Variants in ATP10D observed in about 807,000 individuals in gnomAD.
The protein encoded by ATP10D is phospholipid-transporting ATPase VD.
ATP10D carries 89 observed loss-of-function variants against 144.8 expected under a neutral mutation model. The observed-to-expected ratio is 0.61, with a 90% CI of 0.52 to 0.73. The LOEUF (loss-of-function observed/expected upper bound fraction) is 0.73, where lower values mean the gene tolerates loss of function less well. ATP10D is among the 30% of genes least tolerant of loss of function. The probability of loss-of-function intolerance (pLI) is 0.00; values close to 1 mark genes in which losing one functional copy is unlikely to be tolerated. For missense variants in ATP10D, 1,603 were observed against 1,714.8 expected (o/e 0.93, Z 1.15); for synonymous variants, 571 against 615.1 (o/e 0.93, Z 1.06).
At chr4:47,537,074 T>G in intron 9 of ATP10D, 136 bp downstream of exon 9, 1 of 1,027,748 alleles carries the variant, frequency 9.7e-7, no homozygotes, top group East Asian at 2.7e-5. Context: ...CCAGATGGCC[T>G]TTAAACTTCA....
chr4:47,549,931 T>C (rs1431285344), intron 10 of ATP10D, among the ~76,000 whole-genome samples: 1 of 150,024 alleles, frequency 6.7e-6, no homozygotes, highest in African/African-American at 2.5e-5. Flanking sequence ...ATTGTCAGCA[T>C]GTGGTTATTC....
chr4:47,540,777 T>C (rs1718096439), intron 9 of ATP10D, among the ~76,000 whole-genome samples: 1 of 152,232 alleles, frequency 6.6e-6, no homozygotes, highest in South Asian at 2.1e-4. Flanking sequence ...TGTCCCAGGA[T>C]CCTAGCTAGG....
At chr4:47,496,645 C>T (rs1457366353) in intron 1 of ATP10D, among the ~76,000 whole-genome samples, 3 of 152,098 alleles carry the variant, frequency 2.0e-5, no homozygotes, top group Non-Finnish European at 4.4e-5. Flanking sequence ...CTACATTCTA[C>T]ATTCAGAGTC....
chr4:47,561,178 A>G (rs958058772), intron 14 of ATP10D, 103 bp downstream of exon 14: 2 of 1,444,592 alleles, frequency 1.4e-6, no homozygotes, highest in African/African-American at 2.8e-5. Context: ...ATAAACATAT[A>G]TGGTTCTGCC....
intron 1 of ATP10D, among the ~76,000 whole-genome samples, chr4:47,511,295 C>G (rs970383756): frequency 1.3e-5 from 2 of 150,178 alleles, no homozygotes; most frequent in Non-Finnish European, 3.0e-5. Flanking sequence ...GTTTTTTTTT[C>G]TTGTTCCTAT....
At chr4:47,520,476 A>G (rs1716885805) in intron 3 of ATP10D, among the ~76,000 whole-genome samples, 1 of 151,866 alleles carries the variant, frequency 6.6e-6, no homozygotes, top group East Asian at 1.9e-4. Context: ...CTGTCCTTTG[A>G]CTTACCTTCC....
At chr4:47,584,741 T>C (rs1720698687) in intron 21 of ATP10D, among the ~76,000 whole-genome samples, 1 of 152,012 alleles carries the variant, frequency 6.6e-6, no homozygotes, top group Admixed American at 6.6e-5. Flanking sequence ...ATGGCTCAAA[T>C]AGAAGGAAAG....
intron 1 of ATP10D, among the ~76,000 whole-genome samples, chr4:47,506,714 T>C (rs1362803959): frequency 6.6e-6 from 1 of 152,220 alleles, no homozygotes; most frequent in Non-Finnish European, 1.5e-5. Context: ...TGATCATCAT[T>C]GAACTTCAAG....
Position 47,502,382 on chromosome 4 carries a change from A to G in ATP10D, c.-37-10122A>G, listed in dbSNP as rs1344229734. 4.6e-5 allele frequency among the ~76,000 whole-genome samples: 7 copies of G among 152,036 alleles called. 1 individual carries two copies. The highest frequency in any genetic ancestry group is 1.7e-4 in the African/African-American group (7 of 41,514). ...GCTACTCGGGGGCTGAGGCAGGAGAATGGCGTGAACCCAGGAGGCAGAGCT... is the reference window on the plus strand; with the variant it reads ...GCTACTCGGGGGCTGAGGCAGGAGAGTGGCGTGAACCCAGGAGGCAGAGCT... On this transcript the variant is annotated intron_variant, in intron 1 of 22. Transcript: ENST00000273859.
chr4:47,486,279 A>G (rs1002613218), intron 1 of ATP10D, among the ~76,000 whole-genome samples: 2 of 152,224 alleles, frequency 1.3e-5, no homozygotes, highest in Non-Finnish European at 2.9e-5. Context: ...GCCTTTAGAA[A>G]GAATATGTTT....
intron 10 of ATP10D, among the ~76,000 whole-genome samples, chr4:47,554,000 G>A (rs553447934): frequency 6.6e-6 from 1 of 152,194 alleles, no homozygotes; most frequent in East Asian, 1.9e-4. Context: ...ATATGTTACT[G>A]GATTATACTT....
At chr4:47,524,088 G>A (rs564351146) in intron 4 of ATP10D, among the ~76,000 whole-genome samples, 18 of 152,122 alleles carry the variant, frequency 1.2e-4, no homozygotes, top group African/African-American at 4.1e-4. Flanking sequence ...CACCATGCCC[G>A]GCTAATTTTT....
intron 19 of ATP10D, among the ~76,000 whole-genome samples, chr4:47,579,974 AAGCAAAGAGGGCAGTTAGATGGCTATCC>A (rs1223483980): frequency 9.2e-5 from 14 of 152,170 alleles, no homozygotes; most frequent in African/African-American, 3.1e-4. Context: ...ATAGGGGAGG[AAGCAAAGAGGGCAGTTAGATGGCTATCC>A]AGCCATTCAT....
At chr4:47,519,272 G>A (rs1716829196) in intron 3 of ATP10D, among the ~76,000 whole-genome samples, 1 of 152,000 alleles carries the variant, frequency 6.6e-6, no homozygotes, top group African/African-American at 2.4e-5. Context: ...ACTGTTAATC[G>A]TTCAGTGTGT....
chr4:47,510,518 A>G (rs1431485988), intron 1 of ATP10D, among the ~76,000 whole-genome samples: 1 of 152,198 alleles, frequency 6.6e-6, no homozygotes, highest in East Asian at 1.9e-4. Flanking sequence ...AATGTTTTGC[A>G]GTCGTTATGG....
chr4:47,577,252 G>T (rs1419849964), intron 19 of ATP10D, among the ~76,000 whole-genome samples: 1 of 152,104 alleles, frequency 6.6e-6, no homozygotes, highest in African/African-American at 2.4e-5. Flanking sequence ...GCCATCTATT[G>T]TGCTAACTAC....
At chr4:47,523,357 T>C (rs1414157935) in intron 4 of ATP10D, 141 bp downstream of exon 4, 1 of 701,414 alleles carries the variant, frequency 1.4e-6, no homozygotes, top group Non-Finnish European at 2.4e-6. Context: ...TTCATTCACT[T>C]CCAGATATGA....
chr4:47,546,704 A>C lies in ATP10D; in HGVS notation c.1477A>C (p.Met493Leu). 2 of 1,614,114 alleles carry C rather than the reference A, an allele frequency of 1.2e-6. No individual in the cohort carries two copies. The highest frequency in any genetic ancestry group is 8.5e-7 in the Non-Finnish European group (1 of 1,179,980). ...CACAGTCAGTGGTTCCCTCAGCAAT[A>C]TGGCAAAACCGAGAGCCCCCAGCTG... ...IDTVSGSLSN[M>L]AKPRAPSCRT... Residue 493 changes from methionine (M) to leucine (L), a missense_variant, in exon 10 of 23, where the codon ATG becomes CTG. Met to Leu is a conservative substitution (Grantham distance 15). Transcript: ENST00000273859.
At chr4:47,590,697 A>C (rs776521086) in intron 22 of ATP10D, among the ~76,000 whole-genome samples, 1 of 152,076 alleles carries the variant, frequency 6.6e-6, no homozygotes, top group Non-Finnish European at 1.5e-5. Context: ...AACACCTACT[A>C]TGTGTCAACA....
Sources: allele counts gnomAD v4.1 joint callset (sites outside exome capture counted in the v4.1 genomes callset), GRCh38; gene constraint gnomAD v4.1.1; transcripts MANE v1.5; gene names NCBI Gene and HGNC (gene_info 2026-07-23, HGNC 2026-07-21).